PALS1: variants seen among roughly 807,000 people sequenced by gnomAD.
PALS1 encodes protein associated with LIN7 1, MAGUK p55 family member, also known as protein PALS1.
Under a neutral mutation model 78.9 loss-of-function variants are expected in PALS1, and 31 were observed. That is an observed-to-expected ratio of 0.39 (90% CI 0.30 to 0.53). The LOEUF is 0.53. Among genes scored for constraint, PALS1 ranks in the 20% least tolerant of loss-of-function variants. The probability of loss-of-function intolerance (pLI) is 0.67; values close to 1 mark genes in which losing one functional copy is unlikely to be tolerated. For missense variants in PALS1, 704 were observed against 826.5 expected (o/e 0.85, Z 1.82); for synonymous variants, 276 against 270.9 (o/e 1.02, Z -0.18).
At chr14:67,301,867 C>A in intron 5 of PALS1, 105 bp from the exon 6 acceptor site, 2 of 1,248,974 alleles carry the variant, frequency 1.6e-6, no homozygotes, top group Non-Finnish European at 2.2e-6. Flanking sequence ...AATTATAACA[C>A]TTTTAAAGAT....
At chr14:67,302,599 TGATA>T in intron 7 of PALS1, 28 bp downstream of exon 7, 1 of 1,423,088 alleles carries the variant, frequency 7.0e-7, no homozygotes, top group Non-Finnish European at 9.2e-7. Context: ...GAAGAATAAT[TGATA>T]GCTTTTAGAA....
In PALS1 at chr14:67,312,647, A is replaced by C; in HGVS notation, c.1162A>C (p.Asn388His). ...ILHVISQEDP[N>H]WWQAYREGDE... is the part of the protein sequence containing the mutation. ...TCATGTGATCAGTCAAGAAGATCCA[A>C]ACTGGTGGCAGGCCTACAGGGAAGG... The change falls in exon 9 of 15, where the codon AAC (asparagine) becomes CAC (histidine). Residue 388 changes from asparagine to histidine, a missense_variant. Physicochemically the swap from Asn to His is moderately conservative, Grantham distance 68 (BLOSUM62 1). Coordinates refer to ENST00000261681, the MANE Select transcript of PALS1 (RefSeq NM_022474.4). 2 of 1,613,532 alleles carry C rather than the reference A, an allele frequency of 1.2e-6. No homozygotes were observed. Among genetic ancestry groups the C allele is most frequent in the South Asian group, 2.2e-5 (2 of 90,972 alleles).
rs551270694 is a variant in PALS1 at position 67,318,548 on chromosome 14, A to G, written c.1369+1069A>G. Among the ~76,000 whole-genome samples the G allele has an allele frequency of 2.4e-3, 360 of 152,288 alleles. 4 individuals carry two copies. Among genetic ancestry groups the G allele is most frequent in the African/African-American group, 8.1e-3 (338 of 41,556 alleles). On this transcript the variant is annotated intron_variant, in intron 11 of 14. Transcript: ENST00000261681. ...CACTGAGTCTATAAATTAAAATGCT[A>G]CCAGTCTTGATTATACGTGTTAGAA... is the stretch of plus-strand genomic sequence containing the variant.
intron 1 of PALS1, among the ~76,000 whole-genome samples, chr14:67,256,892 A>G (rs1296162257): frequency 6.6e-6 from 1 of 152,108 alleles, no homozygotes; most frequent in African/African-American, 2.4e-5. Flanking sequence ...TTTTTACCAA[A>G]GAATGTGGGT....
At chr14:67,243,063 C>G (rs537065160) in intron 1 of PALS1, among the ~76,000 whole-genome samples, 11 of 152,062 alleles carry the variant, frequency 7.2e-5, no homozygotes, top group Non-Finnish European at 1.2e-4. Context: ...TCACCCATTC[C>G]AAGAAATTTG....
chr14:67,272,004 G>A (rs1328831510), intron 2 of PALS1: 1 of 151,632 alleles, frequency 6.6e-6, no homozygotes, highest in African/African-American at 2.4e-5. Context: ...CTGGGAGGTG[G>A]AGTTTGCAGT....
intron 1 of PALS1, among the ~76,000 whole-genome samples, chr14:67,250,792 G>A (rs2084052728): frequency 6.6e-6 from 1 of 152,108 alleles, no homozygotes; most frequent in African/African-American, 2.4e-5. Flanking sequence ...CATCCTAAAG[G>A]AATCTTATCC....
chr14:67,282,201 CT>C (rs571226996), intron 3 of PALS1, among the ~76,000 whole-genome samples: 1 of 151,910 alleles, frequency 6.6e-6, no homozygotes, highest in Non-Finnish European at 1.5e-5. Flanking sequence ...TTTTGCCAAA[CT>C]TTTTTTTCTT....
chr14:67,287,026 TGGGTGA>T (rs2084701037), intron 3 of PALS1, among the ~76,000 whole-genome samples: 1 of 152,022 alleles, frequency 6.6e-6, no homozygotes, highest in South Asian at 2.1e-4. Flanking sequence ...AAGACCAGCT[TGGGTGA>T]CAGTGAAATC....
chr14:67,256,111 A>G (rs1175800877), intron 1 of PALS1, among the ~76,000 whole-genome samples: 2 of 152,172 alleles, frequency 1.3e-5, no homozygotes, highest in East Asian at 3.8e-4. Flanking sequence ...TTGTGTGAAT[A>G]TTTTGTAAGA....
At chr14:67,323,615 A>AATATATATATATATATATCTAT (rs2085302188) in intron 13 of PALS1, 87 bp from the exon 14 acceptor site, 1 of 242,198 alleles carries the variant, frequency 4.1e-6, no homozygotes, top group Non-Finnish European at 7.5e-6. Flanking sequence ...CCCTTAATCT[A>AATATATATATATATATATCTAT]ATATATATAT....
intron 2 of PALS1, among the ~76,000 whole-genome samples, chr14:67,278,455 G>A (rs760320885): frequency 3.3e-5 from 5 of 150,924 alleles, no homozygotes; most frequent in East Asian, 3.9e-4. Context: ...TTTCTTATTC[G>A]TTGGGCATGT....
chr14:67,284,209 T>C (rs1378854509), intron 3 of PALS1, among the ~76,000 whole-genome samples: 1 of 152,128 alleles, frequency 6.6e-6, no homozygotes, highest in Non-Finnish European at 1.5e-5. Flanking sequence ...ACTAATTTCT[T>C]ATTTCATTTT....
intron 14 of PALS1, among the ~76,000 whole-genome samples, chr14:67,325,261 C>T (rs1476110954): frequency 6.6e-6 from 1 of 152,060 alleles, no homozygotes; most frequent in East Asian, 1.9e-4. Context: ...TCCTCTTCAC[C>T]CTCCAAAATA....
chr14:67,270,017 A>T (rs902341245), intron 2 of PALS1: 1 of 152,314 alleles, frequency 6.6e-6, no homozygotes, highest in East Asian at 1.9e-4. Flanking sequence ...ATGCGTATGA[A>T]GTATATCTCT....
chr14:67,324,797 T>C (rs1595618816), intron 14 of PALS1, among the ~76,000 whole-genome samples: 1 of 151,694 alleles, frequency 6.6e-6, no homozygotes, highest in Admixed American at 6.6e-5. Flanking sequence ...TGTTGCCAGG[T>C]TGGTATTGAA....
intron 13 of PALS1, among the ~76,000 whole-genome samples, chr14:67,321,700 C>T (rs1041172530): frequency 1.3e-5 from 2 of 152,108 alleles, no homozygotes; most frequent in African/African-American, 2.4e-5. Flanking sequence ...GACTATGACC[C>T]GTCACATGAG....
chr14:67,285,855 G>A (rs2084676866), intron 3 of PALS1, among the ~76,000 whole-genome samples: 1 of 152,128 alleles, frequency 6.6e-6, no homozygotes, highest in South Asian at 2.1e-4. Flanking sequence ...GGAGGACAGA[G>A]TTTACGAGGG....
At position 67,332,586 on chromosome 14, in the gene PALS1, AAT is replaced by A. The variant is rs2085466640; in HGVS notation, c.1852-191_1852-190del. 3.9e-5 allele frequency among the ~76,000 whole-genome samples: 6 copies of A among 152,340 alleles called. No homozygotes were observed. The South Asian group carries it at 8.3e-4, about 21-fold the overall frequency. On this transcript the variant is annotated intron_variant, in intron 14 of 14. Transcript: ENST00000261681. ...ATATATTGAGTCCCAGATGGTTCAT[AAT>A]ATGAGTCGTGAAGATGCCAAAGCAA... is the stretch of plus-strand genomic sequence containing the variant.
Sources: allele counts gnomAD v4.1 joint callset (sites outside exome capture counted in the v4.1 genomes callset), GRCh38; gene constraint gnomAD v4.1.1; transcripts MANE v1.5; gene names NCBI Gene and HGNC (gene_info 2026-07-23, HGNC 2026-07-21).